RYR3: variants seen among roughly 807,000 people sequenced by gnomAD.
RYR3 encodes the protein ryanodine receptor 3.
Under a neutral mutation model 584.3 loss-of-function variants are expected in RYR3, and 207 were observed. That is an observed-to-expected ratio of 0.35 (90% confidence interval 0.32 to 0.40). The LOEUF is 0.40. Ranked by LOEUF, RYR3 falls within the 10% of genes least tolerant of loss-of-function variation. RYR3 has a pLI of 1.00. For synonymous variants in RYR3, 2,416 were observed against 2,248.5 expected (o/e 1.07, Z -2.11); for missense variants, 5,616 against 6,089.2 (o/e 0.92, Z 2.59).
intron 102 of RYR3, among the ~76,000 whole-genome samples, chr15:33,863,186 C>G (rs532118329): frequency 6.6e-6 from 1 of 152,150 alleles, no homozygotes; most frequent in Non-Finnish European, 1.5e-5. Context: ...CAATTTTATT[C>G]GTGTTTGAGC....
intron 1 of RYR3, among the ~76,000 whole-genome samples, chr15:33,435,452 T>G (rs1335351118): frequency 6.6e-6 from 1 of 152,200 alleles, no homozygotes; most frequent in South Asian, 2.1e-4. Flanking sequence ...AGTTTGGGGC[T>G]CTGGATATGT....
chr15:33,671,342 T>G (rs1241056611), intron 38 of RYR3, among the ~76,000 whole-genome samples: 1 of 152,234 alleles, frequency 6.6e-6, no homozygotes, highest in Non-Finnish European at 1.5e-5. Flanking sequence ...GCTTTTTATC[T>G]TGTTACCTAT....
chr15:33,499,576 G>C (rs1309911792), intron 2 of RYR3, among the ~76,000 whole-genome samples: 2 of 152,130 alleles, frequency 1.3e-5, no homozygotes, highest in Non-Finnish European at 2.9e-5. Context: ...TTTCATTGCT[G>C]TTTTTTGGAT....
At chr15:33,392,601 T>C (rs1053946795) in intron 1 of RYR3, among the ~76,000 whole-genome samples, 95 of 152,142 alleles carry the variant, frequency 6.2e-4, no homozygotes, top group Non-Finnish European at 1.2e-4. Context: ...AGTTGAAGGC[T>C]ACTCCCTGCA....
At position 33,451,464 on chromosome 15, in the gene RYR3, T is replaced by TG. The variant is rs1304881268; in HGVS notation, c.52-21951dup. On this transcript the variant is annotated intron_variant, in intron 1 of 103. Coordinates refer to ENST00000634891, the MANE Select transcript of RYR3 (RefSeq NM_001036.6). ...TGTCTTGGAAAAGGAACCTAAATTT[T>TG]GGGGAAAAAAAAAAACTGGGGAAAA... Among the ~76,000 whole-genome samples, 5 of 147,066 alleles carry TG rather than the reference T, an allele frequency of 3.4e-5. No individual in the cohort carries two copies. The East Asian group carries it at 1.1e-3, about 33-fold the overall frequency.
intron 42 of RYR3, among the ~76,000 whole-genome samples, chr15:33,705,682 C>A (rs1278078512): frequency 6.6e-6 from 1 of 152,216 alleles, no homozygotes; most frequent in African/African-American, 2.4e-5. Context: ...AAGAGACCAC[C>A]ACCAGTCCCA....
chr15:33,582,994 T>G (rs146587180), intron 14 of RYR3, among the ~76,000 whole-genome samples: 55 of 152,280 alleles, frequency 3.6e-4, no homozygotes, highest in African/African-American at 1.3e-3. Context: ...AGAAGGTTAT[T>G]TGGTGTAGAT....
In RYR3 at chr15:33,670,678, G is replaced by A. The variant is rs1200957796; in HGVS notation, c.5860+122G>A. The A allele has an allele frequency of 4.0e-6, 4 of 993,276 alleles. No individual in the cohort carries two copies. The African/African-American group carries it at 6.7e-5, about 17-fold the overall frequency. The allele number at this position is 993,276 out of a possible 1,614,324, so 61.5% of individuals were successfully genotyped here. ...TAACTTCAAAGAAAGCATCTGGGCA[G>A]TATGTTATAATTGCTGGTGGTTCAG... On this transcript the variant is annotated intron_variant, in intron 38 of 103. Coordinates refer to ENST00000634891, the MANE Select transcript of RYR3 (RefSeq NM_001036.6).
intron 1 of RYR3, among the ~76,000 whole-genome samples, chr15:33,387,147 A>G (rs1182624991): frequency 6.6e-6 from 1 of 152,234 alleles, no homozygotes; most frequent in Non-Finnish European, 1.5e-5. Flanking sequence ...GTGAGACACC[A>G]CGCCCAGCAA....
At chr15:33,618,778 A>G (rs900437118) in intron 19 of RYR3, among the ~76,000 whole-genome samples, 1 of 152,218 alleles carries the variant, frequency 6.6e-6, no homozygotes, top group African/African-American at 2.4e-5. Flanking sequence ...TAATAATATG[A>G]TAGCCTAACG....
chr15:33,825,735 TTTTTTTTTTTTC>T (rs1168535923), intron 82 of RYR3, 59 bp downstream of exon 82: 12 of 782,042 alleles, frequency 1.5e-5, no homozygotes, highest in East Asian at 1.3e-4. Context: ...TTTTTTTTTT[TTTTTTTTTTTTC>T]CCCATACAGA....
chr15:33,864,167 A>G lies in RYR3; in HGVS notation c.14495A>G (p.Asp4832Gly), dbSNP rs1889563032. 2 of 1,612,220 alleles carry G rather than the reference A, an allele frequency of 1.2e-6. No individual in the cohort carries two copies. The highest frequency in any genetic ancestry group is 1.7e-6 in the Non-Finnish European group (2 of 1,178,908). Residue 4832 changes from aspartate to glycine, a missense_variant, in exon 103 of 104, where the codon GAT becomes GGT. By Grantham distance (94) the Asp-to-Gly change is moderately conservative. This residue lies in a region of RYR3 where 918 missense variants were observed against 887.4 expected (regional missense o/e 1.03). Transcript: ENST00000634891. Reference protein sequence around the residue: ...LFFLMYLINKDETEHTGQESY... With the variant: ...LFFLMYLINKGETEHTGQESY... Reference sequence around the variant, plus strand: ...TTTCTGATGTATTTGATTAATAAAGATGAAACAGAGCACACGGGTCAGGTG... The same window carrying G: ...TTTCTGATGTATTTGATTAATAAAGGTGAAACAGAGCACACGGGTCAGGTG...
rs2074276410 is a variant in RYR3 at position 33,779,877 on chromosome 15, G to A, written c.9138-334G>A. 2.0e-5 allele frequency among the ~76,000 whole-genome samples: 3 copies of A among 152,180 alleles called. No homozygotes were observed. The South Asian group carries it at 6.2e-4, about 32-fold the overall frequency. ...GAAAAAGAAATTAACCGGGCATGGT[G>A]GTGGGCGCATGTAGTGCCAGCTACT... On this transcript the variant is annotated intron_variant, in intron 64 of 103. Transcript: ENST00000634891.
chr15:33,461,254 C>T (rs1416631718), intron 1 of RYR3, among the ~76,000 whole-genome samples: 1 of 152,042 alleles, frequency 6.6e-6, no homozygotes, highest in Admixed American at 6.5e-5. Context: ...TACTAATATC[C>T]AACTTTTAAC....
chr15:33,596,058 CTT>C (rs2059355194), intron 16 of RYR3, among the ~76,000 whole-genome samples: 1 of 140,292 alleles, frequency 7.1e-6, no homozygotes, highest in Non-Finnish European at 1.5e-5. Context: ...AATTATTTCT[CTT>C]TAAGTTTTTC....
Position 33,838,762 on chromosome 15 carries a change from C to T in RYR3, c.12782C>T (p.Thr4261Ile). Residue 4261 changes from threonine (T) to isoleucine (I), a missense_variant, in exon 89 of 104, where the codon ACC becomes ATC. By Grantham distance (89) the Thr-to-Ile change is moderately conservative. This residue lies in a region of RYR3 where 918 missense variants were observed against 887.4 expected (regional missense o/e 1.03). Transcript: ENST00000634891. ...ERAEVMEPGITTELVHFIKGE... is the reference protein window; with the variant it reads ...ERAEVMEPGIITELVHFIKGE... The stretch of plus-strand genomic sequence containing the variant: ...GCAGAGGTGATGGAGCCAGGTATCA[C>T]CACTGAACTAGTACACTTCATAAAG... The T allele has an allele frequency of 1.2e-6, 2 of 1,613,916 alleles. No homozygotes were observed. The highest frequency in any genetic ancestry group is 2.2e-5 in the East Asian group (1 of 44,884).
In RYR3 at chr15:33,613,375, A is replaced by C; in HGVS notation, c.2357A>C (p.Lys786Thr). 6.3e-7 allele frequency: 1 copy of C among 1,594,904 alleles called. No individual in the cohort carries two copies. Among genetic ancestry groups the C allele is most frequent in the Non-Finnish European group, 8.6e-7 (1 of 1,169,540 alleles). ...FPVMSFSAGV[K>T]VRFLMGGRHG... ...GTGATGAGCTTTTCAGCAGGTGTCAAGTAAGTTATGGCTGTGATTTCATGG... is the reference window on the plus strand; with the variant it reads ...GTGATGAGCTTTTCAGCAGGTGTCACGTAAGTTATGGCTGTGATTTCATGG... Residue 786 changes from lysine to threonine, a missense_variant and splice_region_variant, in exon 19 of 104, where the codon AAA becomes ACA. Physicochemically the swap from Lys to Thr is moderately conservative, Grantham distance 78 (BLOSUM62 -1). This residue lies in a region of RYR3 where 1,284 missense variants were observed against 1,344.6 expected (regional missense o/e 0.95). Coordinates refer to ENST00000634891, the MANE Select transcript of RYR3 (RefSeq NM_001036.6).
intron 38 of RYR3, among the ~76,000 whole-genome samples, chr15:33,682,881 A>ATG (rs374307062): frequency 6.6e-6 from 1 of 151,988 alleles, no homozygotes; most frequent in Non-Finnish European, 1.5e-5. Context: ...GTGCACATGC[A>ATG]TGTGTGTGTG....
intron 91 of RYR3, among the ~76,000 whole-genome samples, chr15:33,842,749 C>T (rs549921006): frequency 4.6e-5 from 7 of 152,342 alleles, no homozygotes; most frequent in African/African-American, 9.6e-5. Context: ...AGAATGGCTA[C>T]ATCCAGGTTG....
Sources: allele counts gnomAD v4.1 joint callset (sites outside exome capture counted in the v4.1 genomes callset), GRCh38; gene constraint gnomAD v4.1.1; regional missense constraint gnomAD v4.1.1; transcripts MANE v1.5; gene names NCBI Gene and HGNC (gene_info 2026-07-23, HGNC 2026-07-21).